Variants in FBXO22 observed in about 807,000 individuals in gnomAD.
The protein encoded by FBXO22 is F-box protein 22.
Under a neutral mutation model 37.2 loss-of-function variants are expected in FBXO22, and 13 were observed. The observed-to-expected ratio is 0.35, with a 90% CI of 0.23 to 0.56. The LOEUF (loss-of-function observed/expected upper bound fraction) is 0.56. Among genes scored for constraint, FBXO22 ranks in the 20% least tolerant of loss-of-function variants. FBXO22 has a pLI of 0.87. For missense variants in FBXO22, 446 were observed against 509.9 expected, an observed-to-expected ratio of 0.87 and a Z score of 1.21; for synonymous variants, 189 against 189.1, an observed-to-expected ratio of 1.00 and a Z score of 0.00.
chr15:75,913,607 T>C (rs952228288), intron 3 of FBXO22, among the ~76,000 whole-genome samples: 3 of 152,200 alleles, frequency 2.0e-5, no homozygotes, highest in Admixed American at 6.5e-5. Flanking sequence ...TTTTACTGTA[T>C]TGGAACATGA....
chr15:75,926,094 C>A (rs747617597), intron 5 of FBXO22, among the ~76,000 whole-genome samples: 5 of 152,090 alleles, frequency 3.3e-5, no homozygotes, highest in Non-Finnish European at 7.4e-5. Context: ...GTTTAAAGTG[C>A]CTTATAAATA....
chr15:75,916,160 A>G (rs1900182165), intron 4 of FBXO22, among the ~76,000 whole-genome samples: 2 of 151,950 alleles, frequency 1.3e-5, no homozygotes, highest in Admixed American at 1.3e-4. Context: ...AAGCACCTTT[A>G]AGCACCACAG....
chr15:75,926,314 C>G (rs1900439389), intron 5 of FBXO22, among the ~76,000 whole-genome samples: 2 of 152,142 alleles, frequency 1.3e-5, no homozygotes, highest in Admixed American at 1.3e-4. Flanking sequence ...ATATTTTAGG[C>G]CTTTGAATTT....
chr15:75,920,708 A>G (rs779150555), intron 5 of FBXO22, among the ~76,000 whole-genome samples: 2 of 152,148 alleles, frequency 1.3e-5, no homozygotes, highest in Non-Finnish European at 2.9e-5. Context: ...CTGTAGTCCC[A>G]GCTACTTAGG....
At chr15:75,906,503 T>C (rs1899933056) in intron 2 of FBXO22, among the ~76,000 whole-genome samples, 1 of 152,176 alleles carries the variant, frequency 6.6e-6, no homozygotes, top group Admixed American at 6.5e-5. Context: ...AAACGCAGGA[T>C]GCTTTCTAGT....
intron 5 of FBXO22, among the ~76,000 whole-genome samples, chr15:75,927,648 A>T (rs185421282): frequency 6.6e-6 from 1 of 152,338 alleles, no homozygotes; most frequent in Non-Finnish European, 1.5e-5. Context: ...TAAGGGAAAA[A>T]AGATGCTTTA....
At chr15:75,904,405 C>G (rs1899873268) in intron 1 of FBXO22, 86 bp from the exon 2 acceptor site, 5 of 1,586,930 alleles carry the variant, frequency 3.2e-6, no homozygotes, top group Non-Finnish European at 3.4e-6. Context: ...TCTCCTGCTG[C>G]TGCGCCAGCG....
chr15:75,923,100 G>C (rs998409507), intron 5 of FBXO22, among the ~76,000 whole-genome samples: 3 of 152,144 alleles, frequency 2.0e-5, no homozygotes, highest in Non-Finnish European at 4.4e-5. Flanking sequence ...TCTGTCCTCT[G>C]TCCACCTGAG....
At chr15:75,917,092 A>G (rs1900208029) in intron 4 of FBXO22, 138 bp from the exon 5 acceptor site, 1 of 619,310 alleles carries the variant, frequency 1.6e-6, no homozygotes, top group East Asian at 2.9e-5. Context: ...TCATGACACT[A>G]CACCCTAAAA....
intron 2 of FBXO22, among the ~76,000 whole-genome samples, chr15:75,910,921 A>G (rs1454354261): frequency 2.0e-5 from 3 of 152,180 alleles, no homozygotes; most frequent in Non-Finnish European, 4.4e-5. Flanking sequence ...TCTTTAATCC[A>G]TCTTGAGTTA....
chr15:75,914,883 G>C (rs887523468), intron 4 of FBXO22, among the ~76,000 whole-genome samples: 1 of 152,262 alleles, frequency 6.6e-6, no homozygotes, highest in South Asian at 2.1e-4. Context: ...TACCTTCCTT[G>C]GAGGGTTGTG....
In FBXO22 at chr15:75,939,204, A is replaced by C. The variant is rs1269117341; in HGVS notation, c.*6102A>C. On this transcript the variant is annotated 3_prime_UTR_variant, in exon 7 of 7. Coordinates refer to ENST00000308275, the MANE Select transcript of FBXO22 (RefSeq NM_147188.3). ...ATAAAGTTGGAAAGCCTATGCGTAG[A>C]TAGACTAAGAAAAAAAGGAAGACTC... The C allele has an allele frequency of 6.6e-6, 1 of 152,084 alleles. No homozygotes were observed. The highest frequency in any genetic ancestry group is 2.4e-5 in the African/African-American group (1 of 41,440). The allele number at this position is 152,084 out of a possible 1,614,324, so 9.4% of individuals were successfully genotyped here.
intron 2 of FBXO22, among the ~76,000 whole-genome samples, chr15:75,908,667 C>G (rs148094403): frequency 6.6e-6 from 1 of 152,050 alleles, no homozygotes; most frequent in Non-Finnish European, 1.5e-5. Flanking sequence ...GGTCAGGTAG[C>G]TCAATAGTCG....
Position 75,903,882 on chromosome 15 carries a change from C to A in FBXO22, c.-82C>A. 2 of 1,389,976 alleles carry A rather than the reference C, an allele frequency of 1.4e-6. No homozygotes were observed. Among genetic ancestry groups the A allele is most frequent in the Non-Finnish European group, 1.9e-6 (2 of 1,068,972 alleles). The allele number at this position is 1,389,976 out of a possible 1,614,324, so 86.1% of individuals were successfully genotyped here. ...AAGTGGCGCGGACGCCTGCTCAGTG[C>A]GCGCCGGCCGGGCAACCCTATGCTG... On this transcript the variant is annotated 5_prime_UTR_variant, in exon 1 of 7. Coordinates refer to ENST00000308275, the MANE Select transcript of FBXO22 (RefSeq NM_147188.3).
chr15:75,927,954 G>C (rs1460685051), intron 5 of FBXO22, among the ~76,000 whole-genome samples: 2 of 152,094 alleles, frequency 1.3e-5, no homozygotes, highest in Non-Finnish European at 2.9e-5. Context: ...CACCCGTTTG[G>C]TAATGCTGGC....
chr15:75,911,245 A>G (rs1900045159), intron 2 of FBXO22, among the ~76,000 whole-genome samples: 1 of 152,152 alleles, frequency 6.6e-6, no homozygotes, highest in Non-Finnish European at 1.5e-5. Flanking sequence ...CTGGCTATAC[A>G]GGCTCTTTAT....
chr15:75,904,732 C>CTTA (rs72534047), intron 2 of FBXO22, 103 bp downstream of exon 2: 1 of 1,236,522 alleles, frequency 8.1e-7, no homozygotes, highest in Non-Finnish European at 1.1e-6. Context: ...AAAGGAACAT[C>CTTA]TCGTTCCGTG....
chr15:75,930,771 A>G, intron 6 of FBXO22: 3 of 985,282 alleles, frequency 3.0e-6, no homozygotes, highest in Non-Finnish European at 2.4e-6. Flanking sequence ...ATCAGACCCT[A>G]CCCCACCCTC....
chr15:75,904,271 G>GC, intron 1 of FBXO22, 168 bp downstream of exon 1: 2 of 1,146,728 alleles, frequency 1.7e-6, no homozygotes, highest in Non-Finnish European at 2.4e-6. Context: ...CAGCCGTGGT[G>GC]CCCCGGGGGG....
Sources: gnomAD v4.1 joint callset for allele counts (sites outside exome capture counted in the v4.1 genomes callset) on GRCh38, gnomAD v4.1.1 for gene constraint, MANE v1.5 for transcripts, NCBI Gene and HGNC (gene_info 2026-07-23, HGNC 2026-07-21) for gene names.